Variants in FGF13 observed in about 807,000 individuals in gnomAD.
FGF13 encodes the protein fibroblast growth factor 13.
A neutral mutation model predicts 19.5 loss-of-function variants in FGF13; 2 were observed. That is an observed-to-expected ratio of 0.10 (90% CI 0.04 to 0.32). FGF13 has a LOEUF of 0.32. FGF13 is among the 10% of genes least tolerant of loss of function. The probability of loss-of-function intolerance (pLI) is 1.00; values close to 1 mark genes in which losing one functional copy is unlikely to be tolerated. For missense variants in FGF13, 113 were observed against 192.7 expected, an observed-to-expected ratio of 0.59 and a Z score of 2.45; for synonymous variants, 72 against 76.9, an observed-to-expected ratio of 0.94 and a Z score of 0.33.
intron 1 of FGF13, among the ~76,000 whole-genome samples, chrX:139,152,175 C>T (rs141236713): frequency 9.1e-5 from 10 of 109,792 alleles, no homozygotes; most frequent in East Asian, 8.6e-4. Flanking sequence ...GGGATCAGAT[C>T]GACAAGAGAA....
intron 1 of FGF13, among the ~76,000 whole-genome samples, chrX:138,984,739 G>GAGGGAGGAGGGGGAGGAGGAGGAGGAGA (rs2091987031): frequency 2.7e-5 from 2 of 73,274 alleles, no homozygotes; most frequent in African/African-American, 1.0e-4. Flanking sequence ...AGAAGAGAAG[G>GAGGGAGGAGGGGGAGGAGGAGGAGGAGA]AGGAGGAGGA....
At chrX:138,997,498 G>A (rs2092048841) in intron 1 of FGF13, among the ~76,000 whole-genome samples, 1 of 111,839 alleles carries the variant, frequency 8.9e-6, no homozygotes, top group Admixed American at 9.5e-5. Flanking sequence ...AAGAACTGAT[G>A]AAGCTGAAAA....
At chrX:138,770,342 T>TA (rs1257129535) in intron 3 of FGF13, among the ~76,000 whole-genome samples, 1 of 110,814 alleles carries the variant, frequency 9.0e-6, no homozygotes, top group Non-Finnish European at 1.9e-5. Flanking sequence ...TTACCCCAGC[T>TA]AAAATGAGTT....
intron 3 of FGF13, among the ~76,000 whole-genome samples, chrX:138,839,856 T>C (rs1009981568): frequency 8.9e-6 from 1 of 112,206 alleles, no homozygotes; most frequent in Non-Finnish European, 1.9e-5. Context: ...AATCACATTA[T>C]ATTTTTTAAC....
At position 138,621,558 on chromosome X, in the gene FGF13, C is replaced by A. The variant is rs905855367; in HGVS notation, c.*11292G>T. The A allele has an allele frequency of 6.4e-5, 7 of 109,504 alleles. No homozygotes were observed. Among genetic ancestry groups the A allele is most frequent in the Non-Finnish European group, 1.3e-4 (7 of 52,448 alleles). The allele number at this position is 109,504 out of a possible 1,213,427, so 9.0% of individuals were successfully genotyped here. On this transcript the variant is annotated 3_prime_UTR_variant, in exon 5 of 5. Coordinates refer to ENST00000315930, the MANE Select transcript of FGF13 (RefSeq NM_004114.5). The stretch of plus-strand genomic sequence containing the variant: ...TACACCTCAAGGAACTATAAAAGAA[C>A]CATAAACTAATCCCAAAGTCGGAAG...
chrX:138,800,322 T>C (rs2123994654), intron 3 of FGF13, among the ~76,000 whole-genome samples: 1 of 112,021 alleles, frequency 8.9e-6, no homozygotes, highest in African/African-American at 3.2e-5. Context: ...TTATTTCTGC[T>C]TCGCTTATGA....
chrX:139,110,018 A>T (rs1269624991), intron 1 of FGF13, among the ~76,000 whole-genome samples: 1 of 111,519 alleles, frequency 9.0e-6, no homozygotes, highest in Non-Finnish European at 1.9e-5. Context: ...GATGCTTACA[A>T]TCTGTGCAGG....
intron 1 of FGF13, among the ~76,000 whole-genome samples, chrX:138,964,122 A>G (rs1329393038): frequency 8.9e-6 from 1 of 111,967 alleles, no homozygotes; most frequent in Non-Finnish European, 1.9e-5. Context: ...GATACTACAG[A>G]GACATACAGC....
At chrX:138,781,079 C>T (rs759449323) in intron 3 of FGF13, among the ~76,000 whole-genome samples, 4 of 110,791 alleles carry the variant, frequency 3.6e-5, no homozygotes, top group East Asian at 5.7e-4. Flanking sequence ...GGGTACATAA[C>T]GAAATGAAGG....
intron 3 of FGF13, among the ~76,000 whole-genome samples, chrX:138,794,032 A>G (rs150875239): frequency 0.011 from 1,176 of 111,564 alleles, 17 homozygotes; most frequent in African/African-American, 0.036. Context: ...CTGTACTCCC[A>G]TGCCCAATGC....
intron 1 of FGF13, among the ~76,000 whole-genome samples, chrX:138,968,788 G>A (rs1177019292): frequency 8.9e-6 from 1 of 111,934 alleles, no homozygotes; most frequent in Non-Finnish European, 1.9e-5. Flanking sequence ...TAGAGAAATG[G>A]GGAGTGAGAA....
intron 1 of FGF13, among the ~76,000 whole-genome samples, chrX:139,067,527 T>A (rs2092361004): frequency 9.0e-6 from 1 of 111,477 alleles, no homozygotes; most frequent in African/African-American, 3.3e-5. Context: ...TGAAGTCCCA[T>A]TCACAATTGC....
At chrX:138,905,850 A>T (rs1416946379) in intron 1 of FGF13, among the ~76,000 whole-genome samples, 2 of 111,381 alleles carry the variant, frequency 1.8e-5, no homozygotes, top group Non-Finnish European at 3.8e-5. Context: ...TCTCTATCTG[A>T]TCTAGCTTCA....
intron 3 of FGF13, among the ~76,000 whole-genome samples, chrX:138,647,064 C>T (rs1247312784): frequency 9.1e-6 from 1 of 110,465 alleles, no homozygotes; most frequent in African/African-American, 3.3e-5. Flanking sequence ...GTCCAAACTC[C>T]CAGCTGTGCT....
chrX:138,651,042 A>C (rs1416469537), intron 3 of FGF13, among the ~76,000 whole-genome samples: 1 of 111,866 alleles, frequency 8.9e-6, no homozygotes, highest in East Asian at 2.8e-4. Context: ...TTTGCTGAAA[A>C]CCATAGGGAG....
At chrX:139,033,263 G>A (rs1202335388) in intron 1 of FGF13, among the ~76,000 whole-genome samples, 1 of 111,207 alleles carries the variant, frequency 9.0e-6, no homozygotes, top group African/African-American at 3.3e-5. Context: ...GATTTGCAGA[G>A]GGGTAAATAA....
At chrX:138,781,353 C>T (rs1201277889) in intron 3 of FGF13, among the ~76,000 whole-genome samples, 1 of 109,805 alleles carries the variant, frequency 9.1e-6, no homozygotes, top group East Asian at 2.9e-4. Context: ...ACAAAAAACC[C>T]TTCAAAAAAT....
rs1466295008 is a variant in FGF13, at chrX:138,793,753, G to T, written c.217+63759C>A. On this transcript the variant is annotated intron_variant, in intron 3 of 6. Coordinates refer to the FGF13 transcript ENST00000436198. ...CCTAAAAACCTGGGTTAGAATTCTG[G>T]TCCTGTCCAAGGTCACAGTTATTTT... Among the ~76,000 whole-genome samples, 4 of 111,715 alleles carry T rather than the reference G, an allele frequency of 3.6e-5. No individual in the cohort carries two copies. The Admixed American group carries it at 3.8e-4, about 11-fold the overall frequency.
intron 1 of FGF13, among the ~76,000 whole-genome samples, chrX:138,732,709 T>G (rs767320800): frequency 9.0e-6 from 1 of 110,585 alleles, no homozygotes; most frequent in Non-Finnish European, 1.9e-5. Context: ...TAAAAGTACT[T>G]AACATCTGAG....
Sources: allele counts gnomAD v4.1 joint callset (sites outside exome capture counted in the v4.1 genomes callset), GRCh38; gene constraint gnomAD v4.1.1; transcripts MANE v1.5; gene names NCBI Gene and HGNC (gene_info 2026-07-23, HGNC 2026-07-21).